KCTD1: variants seen among roughly 807,000 people sequenced by gnomAD.
KCTD1 encodes potassium channel tetramerization domain containing 1.
A neutral mutation model predicts 66.0 loss-of-function variants in KCTD1; 24 were observed. That is an observed-to-expected ratio of 0.36 (90% CI 0.26 to 0.51). The LOEUF is 0.51. Among genes scored for constraint, KCTD1 ranks in the 20% least tolerant of loss-of-function variants. The probability of loss-of-function intolerance (pLI) is 0.95; values close to 1 mark genes in which losing one functional copy is unlikely to be tolerated. For missense variants in KCTD1, 943 were observed against 1,205.2 expected (o/e 0.78, Z 3.22); for synonymous variants, 511 against 517.2 (o/e 0.99, Z 0.16).
At chr18:26,612,906 G>A (rs939334736) in intron 1 of KCTD1, among the ~76,000 whole-genome samples, 1 of 152,176 alleles carries the variant, frequency 6.6e-6, no homozygotes, top group Non-Finnish European at 1.5e-5. Context: ...TGTTTTAGGT[G>A]GAAGGGTAAA....
chr18:26,497,212 T>C (rs1982523786), intron 2 of KCTD1, among the ~76,000 whole-genome samples: 1 of 152,198 alleles, frequency 6.6e-6, no homozygotes, highest in Non-Finnish European at 1.5e-5. Context: ...TCTTTTAAGG[T>C]CACTTGTTAC....
chr18:26,576,950 T>A (rs1010677203), intron 1 of KCTD1, among the ~76,000 whole-genome samples: 1 of 152,204 alleles, frequency 6.6e-6, no homozygotes, highest in Admixed American at 6.5e-5. Flanking sequence ...AAGTAAACAC[T>A]TTGTAACCAT....
chr18:26,475,029 C>T (rs1480500814), intron 3 of KCTD1, among the ~76,000 whole-genome samples: 5 of 152,084 alleles, frequency 3.3e-5, no homozygotes, highest in African/African-American at 9.7e-5. Context: ...ATGTGAAATG[C>T]CACCTTTATG....
At chr18:26,616,464 T>TAC (rs1389121395) in intron 1 of KCTD1, among the ~76,000 whole-genome samples, 5 of 109,120 alleles carry the variant, frequency 4.6e-5, no homozygotes, top group African/African-American at 3.8e-5. Flanking sequence ...CTTACATACA[T>TAC]ATATATATAT....
intron 2 of KCTD1, among the ~76,000 whole-genome samples, chr18:26,494,345 T>C (rs960587559): frequency 6.6e-6 from 1 of 152,212 alleles, no homozygotes; most frequent in Non-Finnish European, 1.5e-5. Flanking sequence ...CCCTCCAGCC[T>C]GGGTGACAGA....
At chr18:26,559,529 T>C (rs1261669557) in intron 1 of KCTD1, among the ~76,000 whole-genome samples, 2 of 152,140 alleles carry the variant, frequency 1.3e-5, no homozygotes, top group East Asian at 1.9e-4. Flanking sequence ...CTGGACCCCA[T>C]TGTGAGAACC....
chr18:26,623,794 A>G (rs1987441364), intron 1 of KCTD1, among the ~76,000 whole-genome samples: 1 of 152,202 alleles, frequency 6.6e-6, no homozygotes, highest in Admixed American at 6.5e-5. Flanking sequence ...AGAGGCTGGA[A>G]GAGTTTGGAG....
chr18:26,634,703 A>T (rs907791941), intron 1 of KCTD1, among the ~76,000 whole-genome samples: 4 of 152,244 alleles, frequency 2.6e-5, no homozygotes, highest in African/African-American at 9.6e-5. Flanking sequence ...GAGCTCTGTA[A>T]TTGGACTACA....
intron 1 of KCTD1, among the ~76,000 whole-genome samples, chr18:26,564,583 A>G (rs1401550510): frequency 6.6e-6 from 1 of 152,008 alleles, no homozygotes; most frequent in African/African-American, 2.4e-5. Flanking sequence ...CCGTGTGTGT[A>G]TGTGTGTGTG....
chr18:26,489,288 T>G (rs889056562), intron 2 of KCTD1, among the ~76,000 whole-genome samples: 2 of 152,262 alleles, frequency 1.3e-5, no homozygotes, highest in African/African-American at 4.8e-5. Flanking sequence ...AATAATAGAC[T>G]GAACTGTCTG....
At chr18:26,474,294 A>G (rs1157492657) in intron 3 of KCTD1, among the ~76,000 whole-genome samples, 1 of 152,206 alleles carries the variant, frequency 6.6e-6, no homozygotes. Flanking sequence ...AGTTTTTGCT[A>G]TTATAAACAT....
intron 2 of KCTD1, among the ~76,000 whole-genome samples, chr18:26,492,650 A>AATAG (rs1158658019): frequency 5.8e-5 from 8 of 139,082 alleles, no homozygotes; most frequent in Non-Finnish European, 9.4e-5. Flanking sequence ...TAAATAAATA[A>AATAG]ATAGAACCAT....
intron 1 of KCTD1, among the ~76,000 whole-genome samples, chr18:26,527,431 C>T (rs1984217579): frequency 7.3e-6 from 1 of 137,092 alleles, no homozygotes; most frequent in Non-Finnish European, 1.5e-5. Context: ...GATCTTCAAA[C>T]AGGTGAGGCT....
intron 1 of KCTD1, among the ~76,000 whole-genome samples, chr18:26,614,427 G>GC (rs777213701): frequency 3.9e-5 from 6 of 152,184 alleles, no homozygotes; most frequent in Non-Finnish European, 8.8e-5. Context: ...TAGTTTGAAA[G>GC]CACAACGGAA....
intron 2 of KCTD1, among the ~76,000 whole-genome samples, chr18:26,488,555 A>G (rs1406317081): frequency 7.9e-5 from 12 of 152,154 alleles, no homozygotes; most frequent in Non-Finnish European, 2.9e-5. Context: ...GTGGGAGTTC[A>G]GGAACACACT....
intron 1 of KCTD1, among the ~76,000 whole-genome samples, chr18:26,593,377 AGG>A (rs1491058923): frequency 1.6e-4 from 20 of 127,802 alleles, no homozygotes; most frequent in African/African-American, 5.8e-4. Flanking sequence ...GAGGAGGAAG[AGG>A]AGGAGGAAGA....
chr18:26,649,763 C>T (rs1685824052), intron 1 of KCTD1, among the ~76,000 whole-genome samples: 1 of 152,180 alleles, frequency 6.6e-6, no homozygotes, highest in Non-Finnish European at 1.5e-5. Context: ...CTGCCTCGGC[C>T]TCCCAAAGTG....
At position 26,468,802 on chromosome 18, in the gene KCTD1, G is replaced by A. The variant is rs997750695; in HGVS notation, c.2133+7713C>T. 7.9e-5 allele frequency among the ~76,000 whole-genome samples: 12 copies of A among 152,178 alleles called. No homozygotes were observed. Among genetic ancestry groups the A allele is most frequent in the African/African-American group, 2.7e-4 (11 of 41,454 alleles). On this transcript the variant is annotated intron_variant, in intron 3 of 4. Transcript: ENST00000580059. This position sits in a 1 kb window ranked among gnomAD's most constrained non-coding sequence, Gnocchi z 4.8. ...GCGGAGGTTGCAGTGAGCCGAGATC[G>A]TGCCGCTGCACTCCAGCCTGGGCGA... is the stretch of plus-strand genomic sequence containing the variant.
intron 1 of KCTD1, among the ~76,000 whole-genome samples, chr18:26,606,517 T>C (rs1987019538): frequency 6.6e-6 from 1 of 152,324 alleles, no homozygotes; most frequent in East Asian, 1.9e-4. Context: ...GGAATGTGTG[T>C]GAAATAACTA....
Sources: gnomAD v4.1 joint callset for allele counts (sites outside exome capture counted in the v4.1 genomes callset) on GRCh38, gnomAD v4.1.1 for gene constraint, Gnocchi (gnomAD v3.1) non-coding constraint, MANE v1.5 for transcripts, NCBI Gene and HGNC (gene_info 2026-07-23, HGNC 2026-07-21) for gene names.